Variants in LRRC7 observed in about 807,000 individuals in gnomAD.
The protein encoded by LRRC7 is leucine rich repeat containing 7.
LRRC7 carries 23 observed loss-of-function variants against 175.7 expected under a neutral mutation model. The ratio of observed to expected loss-of-function variants is 0.13; its 90% CI spans 0.09 to 0.19. The LOEUF (loss-of-function observed/expected upper bound fraction) is 0.19, where lower values mean the gene tolerates loss of function less well. LRRC7 is among the 10% of genes least tolerant of loss of function. The pLI, the probability that LRRC7 is intolerant of heterozygous loss-of-function variation, is 1.00. For synonymous variants in LRRC7, 685 were observed against 680.9 expected (o/e 1.01, Z -0.09); for missense variants, 1,354 against 1,904.7 (o/e 0.71, Z 5.38).
intron 26 of LRRC7, among the ~76,000 whole-genome samples, chr1:70,121,484 A>ATGCCCCTTTC (rs1666204668): frequency 6.6e-6 from 1 of 152,070 alleles, no homozygotes; most frequent in African/African-American, 2.4e-5. Flanking sequence ...AATCAGGACA[A>ATGCCCCTTTC]CAACAATGGA....
chr1:69,711,345 G>C (rs1032407622), intron 2 of LRRC7, among the ~76,000 whole-genome samples: 34 of 152,102 alleles, frequency 2.2e-4, no homozygotes, highest in African/African-American at 8.0e-4. Context: ...CTAGCACATT[G>C]TTGGCACTAA....
chr1:69,905,752 T>C (rs1468050459), intron 7 of LRRC7, among the ~76,000 whole-genome samples: 2 of 152,250 alleles, frequency 1.3e-5, no homozygotes, highest in East Asian at 3.8e-4. Context: ...GCATGGTTTA[T>C]AGTCCTTTGG....
chr1:69,597,144 GGTAA>G (rs1646875636), intron 1 of LRRC7, among the ~76,000 whole-genome samples: 1 of 151,986 alleles, frequency 6.6e-6, no homozygotes, highest in African/African-American at 2.4e-5. Flanking sequence ...TATATGTGAC[GGTAA>G]GTGTCTTATG....
intron 25 of LRRC7, among the ~76,000 whole-genome samples, chr1:70,100,546 AC>A (rs1558069068): frequency 6.6e-6 from 1 of 152,112 alleles, no homozygotes; most frequent in East Asian, 1.9e-4. Flanking sequence ...AAATTTTTTT[AC>A]AAATGCAACC....
At chr1:69,826,944 C>T (rs1042358924) in intron 5 of LRRC7, among the ~76,000 whole-genome samples, 2 of 151,808 alleles carry the variant, frequency 1.3e-5, no homozygotes, top group African/African-American at 2.4e-5. Context: ...AGAATGAGAT[C>T]GAAGTTTAGA....
chr1:69,892,047 A>G (rs980790117), intron 7 of LRRC7, among the ~76,000 whole-genome samples: 1 of 152,218 alleles, frequency 6.6e-6, no homozygotes, highest in African/African-American at 2.4e-5. Flanking sequence ...CAATGTATAC[A>G]TATATTGAAA....
intron 25 of LRRC7, among the ~76,000 whole-genome samples, chr1:70,104,670 C>T (rs930771004): frequency 1.3e-5 from 2 of 152,114 alleles, no homozygotes; most frequent in Admixed American, 6.5e-5. Context: ...CTTTGGAAGA[C>T]TCAGGCCACC....
chr1:69,971,770 A>G (rs891540257), intron 8 of LRRC7, among the ~76,000 whole-genome samples: 7 of 152,154 alleles, frequency 4.6e-5, no homozygotes, highest in African/African-American at 1.7e-4. Flanking sequence ...AGAAAAAACA[A>G]TCCTAAAATT....
rs552611036 is a variant in LRRC7, at chr1:69,756,448, A to T, written c.101-3743A>T. 8.6e-4 allele frequency among the ~76,000 whole-genome samples: 131 copies of T among 151,840 alleles called. 2 individuals are homozygous for T. The South Asian group carries it at 0.026, about 30-fold the overall frequency. On this transcript the variant is annotated intron_variant, in intron 2 of 26. Coordinates refer to ENST00000651989, the MANE Select transcript of LRRC7 (RefSeq NM_001370785.2). ...CATCAAGTGCCTAGTATGATAGATT[A>T]AAAAAAATCAAAGCATATTGTCATG...
At chr1:69,915,495 C>T (rs1646658356) in intron 7 of LRRC7, among the ~76,000 whole-genome samples, 1 of 152,010 alleles carries the variant, frequency 6.6e-6, no homozygotes, top group African/African-American at 2.4e-5. Flanking sequence ...AAATGTCCTG[C>T]AGGAAACAAA....
At chr1:69,630,333 A>G (rs1652289859) in intron 1 of LRRC7, among the ~76,000 whole-genome samples, 1 of 152,148 alleles carries the variant, frequency 6.6e-6, no homozygotes, top group Non-Finnish European at 1.5e-5. Context: ...AACAATAGTA[A>G]AATTAGCACA....
At chr1:69,765,928 C>A (rs1671572847) in intron 3 of LRRC7, among the ~76,000 whole-genome samples, 3 of 151,826 alleles carry the variant, frequency 2.0e-5, no homozygotes, top group Admixed American at 2.0e-4. Flanking sequence ...AGTGAAAGTA[C>A]TCCAAAAAGC....
chr1:70,085,019 G>C (rs764452422), intron 24 of LRRC7, among the ~76,000 whole-genome samples: 4 of 151,984 alleles, frequency 2.6e-5, no homozygotes, highest in Non-Finnish European at 5.9e-5. Flanking sequence ...GATTGTAAAA[G>C]TTATCTATAT....
At chr1:69,779,882 A>G (rs1331156859) in intron 3 of LRRC7, among the ~76,000 whole-genome samples, 1 of 152,046 alleles carries the variant, frequency 6.6e-6, no homozygotes, top group East Asian at 1.9e-4. Flanking sequence ...CCTGTCCAGT[A>G]CTATACCTGT....
In LRRC7 at chr1:69,779,929, C is replaced by A. The variant is rs555212628; in HGVS notation, c.304-12114C>A. On this transcript the variant is annotated intron_variant, in intron 3 of 26. Coordinates refer to ENST00000651989, the MANE Select transcript of LRRC7 (RefSeq NM_001370785.2). ...TACACCATCACTACTACTAGGCACA[C>A]TAAAGTCTTGTTTGACTACAAAATC... Among the ~76,000 whole-genome samples the A allele has an allele frequency of 1.1e-4, 17 of 152,312 alleles. 1 individual carries two copies. The South Asian group carries it at 3.5e-3, about 32-fold the overall frequency.
intron 7 of LRRC7, among the ~76,000 whole-genome samples, chr1:69,873,076 T>A (rs1474559114): frequency 6.6e-6 from 1 of 152,138 alleles, no homozygotes; most frequent in Non-Finnish European, 1.5e-5. Context: ...GCGTTAATCA[T>A]GCTTGTTATC....
intron 8 of LRRC7, among the ~76,000 whole-genome samples, chr1:69,945,013 T>A (rs1390480441): frequency 3.3e-5 from 5 of 152,146 alleles, no homozygotes. Context: ...TAGTTTGCTG[T>A]AATCCCACTT....
intron 8 of LRRC7, among the ~76,000 whole-genome samples, chr1:69,947,327 TTG>T (rs1649443659): frequency 6.6e-6 from 1 of 152,072 alleles, no homozygotes; most frequent in African/African-American, 2.4e-5. Flanking sequence ...TATAACTTTT[TTG>T]TGTTATTTTT....
chr1:69,752,131 C>A (rs1000606335), intron 2 of LRRC7, among the ~76,000 whole-genome samples: 11 of 152,078 alleles, frequency 7.2e-5, no homozygotes, highest in African/African-American at 2.7e-4. Context: ...GTACCAGAAT[C>A]ACCATGTATA....
Sources: allele counts gnomAD v4.1 joint callset (sites outside exome capture counted in the v4.1 genomes callset), GRCh38; gene constraint gnomAD v4.1.1; transcripts MANE v1.5; gene names NCBI Gene and HGNC (gene_info 2026-07-23, HGNC 2026-07-21).